KIF18A: variants seen among roughly 807,000 people sequenced by gnomAD.
The protein encoded by KIF18A is kinesin-like protein KIF18A.
KIF18A carries 67 observed loss-of-function variants against 103.3 expected under a neutral mutation model. The observed-to-expected ratio is 0.65, with a 90% CI of 0.53 to 0.79. KIF18A has a LOEUF of 0.79. Among genes scored for constraint, KIF18A ranks in the 30% least tolerant of loss-of-function variants. The pLI is 0.00. For missense variants in KIF18A, 1,032 were observed against 1,062.5 expected (o/e 0.97, Z 0.40); for synonymous variants, 367 against 355.5 (o/e 1.03, Z -0.36).
chr11:28,069,928 A>G (rs1850990451), intron 10 of KIF18A, among the ~76,000 whole-genome samples: 1 of 152,208 alleles, frequency 6.6e-6, no homozygotes, highest in African/African-American at 2.4e-5. Context: ...GCTTATCAGT[A>G]TCTGATCTTG....
Position 28,036,539 on chromosome 11 carries a change from G to A in KIF18A, c.2074C>T (p.Leu692Phe). The A allele has an allele frequency of 2.5e-6, 4 of 1,611,198 alleles. No individual in the cohort carries two copies. The highest frequency in any genetic ancestry group is 1.7e-5 in the Admixed American group (1 of 59,686). Residue 692 changes from leucine to phenylalanine, a missense_variant, in exon 14 of 17, where the codon CTC becomes TTC. Physicochemically the swap from Leu to Phe is conservative, Grantham distance 22 (BLOSUM62 0). Coordinates refer to ENST00000263181, the MANE Select transcript of KIF18A (RefSeq NM_031217.4). ...AGTTCTTTGCTAAGAGAATCATTGA[G>A]CTGCACACTTTGAGATGGTGGAGAC... ...LKSPPSQSVQ[L>F]NDSLSKELQP...
At chr11:28,059,863 T>C (rs908825372) in intron 12 of KIF18A, among the ~76,000 whole-genome samples, 10 of 152,064 alleles carry the variant, frequency 6.6e-5, no homozygotes, top group East Asian at 3.8e-4. Context: ...TGATGAGACA[T>C]ATTTTAGGTA....
At chr11:28,084,840 T>G (rs1284733737) in intron 6 of KIF18A, 32 bp from the exon 7 acceptor site, 1 of 1,564,798 alleles carries the variant, frequency 6.4e-7, no homozygotes, top group Non-Finnish European at 8.8e-7. Flanking sequence ...CTTATGTCAT[T>G]TTCCACATTT....
At chr11:28,069,862 T>A (rs1356716789) in intron 10 of KIF18A, among the ~76,000 whole-genome samples, 1 of 152,154 alleles carries the variant, frequency 6.6e-6, no homozygotes, top group Admixed American at 6.5e-5. Flanking sequence ...TGTGTTTGCC[T>A]ATAAGGCCTC....
At chr11:28,064,210 T>G (rs1252820721) in intron 11 of KIF18A, among the ~76,000 whole-genome samples, 1 of 151,850 alleles carries the variant, frequency 6.6e-6, no homozygotes, top group Admixed American at 6.6e-5. Context: ...AGCAAATGTT[T>G]TAGAAAAAAA....
chr11:28,090,479 T>C (rs1851286972), intron 5 of KIF18A, 138 bp downstream of exon 5: 1 of 482,440 alleles, frequency 2.1e-6, no homozygotes, highest in African/African-American at 2.0e-5. Flanking sequence ...CAGAAACTTT[T>C]CAAAGCTATA....
chr11:28,107,292 TTCATTCTGG>T (rs1382175460), intron 1 of KIF18A, among the ~76,000 whole-genome samples: 2 of 152,028 alleles, frequency 1.3e-5, no homozygotes, highest in Admixed American at 6.6e-5. Context: ...ACAAAATCAG[TTCATTCTGG>T]TCAAATACTC....
At chr11:28,045,711 T>C (rs2133507205) in intron 13 of KIF18A, among the ~76,000 whole-genome samples, 1 of 152,212 alleles carries the variant, frequency 6.6e-6, no homozygotes, top group East Asian at 1.9e-4. Context: ...CTCTCATGAT[T>C]AGAAGTTATA....
chr11:28,028,412 C>T (rs1850349313), intron 15 of KIF18A, among the ~76,000 whole-genome samples: 1 of 152,048 alleles, frequency 6.6e-6, no homozygotes, highest in Non-Finnish European at 1.5e-5. Context: ...ACTGAACAAC[C>T]TGCTCCTGAA....
At chr11:28,069,077 C>T (rs980064960) in intron 11 of KIF18A, among the ~76,000 whole-genome samples, 182 bp downstream of exon 11, 2 of 151,928 alleles carry the variant, frequency 1.3e-5, no homozygotes, top group African/African-American at 4.8e-5. Context: ...TTATTTTAAC[C>T]TAAAAGCTAC....
intron 13 of KIF18A, among the ~76,000 whole-genome samples, chr11:28,053,148 C>G (rs148244082): frequency 6.6e-6 from 1 of 152,166 alleles, no homozygotes; most frequent in African/African-American, 2.4e-5. Flanking sequence ...TATCTTAATT[C>G]AAACAAATCA....
At chr11:28,085,716 G>C (rs1052980808) in intron 6 of KIF18A, among the ~76,000 whole-genome samples, 3 of 151,034 alleles carry the variant, frequency 2.0e-5, no homozygotes, top group Non-Finnish European at 4.4e-5. Flanking sequence ...ACCGGTCTCC[G>C]TGTCTTGATG....
chr11:28,076,060 G>A (rs1047159492), intron 10 of KIF18A, among the ~76,000 whole-genome samples: 1 of 151,762 alleles, frequency 6.6e-6, no homozygotes, highest in Non-Finnish European at 1.5e-5. Flanking sequence ...AAGGATATAG[G>A]CCACTGAAAT....
At position 28,108,151 on chromosome 11, in the gene KIF18A, A is replaced by C. The variant is rs980765517; in HGVS notation, c.-134T>G. 8 of 152,408 alleles carry C rather than the reference A, an allele frequency of 5.2e-5. No individual in the cohort carries two copies. Among genetic ancestry groups the C allele is most frequent in the African/African-American group, 1.9e-4 (8 of 41,464 alleles). 9.4% of individuals were successfully genotyped at this position (152,408 alleles called of 1,614,324 possible). On this transcript the variant is annotated 5_prime_UTR_variant, in exon 1 of 17. Transcript: ENST00000263181. ...GTCCGCCTCCCAGCGCTTCAGACTC[A>C]ACCACAATATTCAAACCCAAGCCAC...
intron 11 of KIF18A, among the ~76,000 whole-genome samples, chr11:28,063,363 A>T (rs1270407379): frequency 6.6e-6 from 1 of 152,004 alleles, no homozygotes; most frequent in Non-Finnish European, 1.5e-5. Flanking sequence ...TAAAAGAAAA[A>T]TATCCTTTAT....
intron 11 of KIF18A, among the ~76,000 whole-genome samples, chr11:28,064,120 A>G (rs1850888009): frequency 6.6e-6 from 1 of 151,236 alleles, no homozygotes; most frequent in East Asian, 1.9e-4. Flanking sequence ...TATATAATTC[A>G]TTATACTTCA....
chr11:28,025,078 T>C (rs1243451867), intron 15 of KIF18A, among the ~76,000 whole-genome samples: 1 of 152,112 alleles, frequency 6.6e-6, no homozygotes. Flanking sequence ...CGCTCTCTAT[T>C]AAAATATCTT....
At chr11:28,066,248 G>C (rs1850921775) in intron 11 of KIF18A, among the ~76,000 whole-genome samples, 1 of 151,992 alleles carries the variant, frequency 6.6e-6, no homozygotes, top group South Asian at 2.1e-4. Context: ...GAAAAGTACT[G>C]TCAACATTCC....
intron 1 of KIF18A, among the ~76,000 whole-genome samples, chr11:28,103,685 T>C (rs1851472027): frequency 6.6e-6 from 1 of 151,812 alleles, no homozygotes; most frequent in South Asian, 2.1e-4. Flanking sequence ...TAATAAACTA[T>C]AAAAAATGCT....
Sources: allele counts gnomAD v4.1 joint callset (sites outside exome capture counted in the v4.1 genomes callset), GRCh38; gene constraint gnomAD v4.1.1; transcripts MANE v1.5; gene names NCBI Gene and HGNC (gene_info 2026-07-23, HGNC 2026-07-21).